The following ITPR1 variants were observed in gnomAD, a reference collection of about 807,000 sequenced individuals.
ITPR1 encodes inositol 1,4,5-trisphosphate receptor type 1, also known as inositol 1,4,5-trisphosphate-gated calcium channel ITPR1.
ITPR1 carries 96 observed loss-of-function variants against 318.4 expected under a neutral mutation model. The ratio of observed to expected loss-of-function variants is 0.30; its 90% confidence interval spans 0.26 to 0.36. The LOEUF (loss-of-function observed/expected upper bound fraction) is 0.36. Among genes scored for constraint, ITPR1 ranks in the 10% least tolerant of loss-of-function variants. The pLI, the probability that ITPR1 is intolerant of heterozygous loss-of-function variation, is 1.00. For missense variants in ITPR1, 2,440 were observed against 3,460.2 expected, an observed-to-expected ratio of 0.71 and a Z score of 7.40; for synonymous variants, 1,312 against 1,289.9, an observed-to-expected ratio of 1.02 and a Z score of -0.37.
chr3:4,833,602 C>G (rs977311099), intron 60 of ITPR1, among the ~76,000 whole-genome samples: 8 of 152,338 alleles, frequency 5.3e-5, no homozygotes, highest in Admixed American at 4.6e-4. Context: ...TCTGGTAAGG[C>G]ACGGCGGCCT....
intron 5 of ITPR1, among the ~76,000 whole-genome samples, chr3:4,637,539 C>T (rs2093226758): frequency 6.6e-6 from 1 of 152,208 alleles, no homozygotes; most frequent in Non-Finnish European, 1.5e-5. Context: ...GGTATTATTT[C>T]TGAATGTGTC....
intron 46 of ITPR1, among the ~76,000 whole-genome samples, chr3:4,769,745 A>T (rs1457220944): frequency 6.6e-6 from 1 of 152,232 alleles, no homozygotes; most frequent in Non-Finnish European, 1.5e-5. Context: ...GTAGTCTTAC[A>T]CTAGAGCTCA....
At chr3:4,546,403 C>T (rs147872713) in intron 4 of ITPR1, among the ~76,000 whole-genome samples, 2 of 152,262 alleles carry the variant, frequency 1.3e-5, no homozygotes, top group Non-Finnish European at 2.9e-5. Flanking sequence ...AAGAGGATGA[C>T]CTCTGAGGTT....
intron 53 of ITPR1, among the ~76,000 whole-genome samples, chr3:4,795,672 G>C (rs2047852238): frequency 6.6e-6 from 1 of 152,146 alleles, no homozygotes; most frequent in Admixed American, 6.5e-5. Flanking sequence ...TCAGAGGGGA[G>C]GCAGGACTTG....
At chr3:4,778,176 AG>A in intron 48 of ITPR1, among the ~76,000 whole-genome samples, 1 of 152,336 alleles carries the variant, frequency 6.6e-6, no homozygotes, top group African/African-American at 2.4e-5. Context: ...CCTTCTATGT[AG>A]GGGTTCCATA....
chr3:4,680,680 G>A lies in ITPR1; in HGVS notation c.3095G>A (p.Ser1032Asn), dbSNP rs771523624. The change falls in exon 25 of 62, where the codon AGT (serine) becomes AAT (asparagine). Residue 1032 changes from serine to asparagine, a missense_variant. By Grantham distance (46) the Ser-to-Asn change is conservative. Around this residue, in one of 23 missense-constraint regions of ITPR1, gnomAD observed 57 missense variants for 46.2 expected, o/e 1.23. Coordinates refer to ENST00000649015, the MANE Select transcript of ITPR1 (RefSeq NM_001378452.1). ...GGAAACAGCAGCCAAGAAGGGCCAA[G>A]TAATGTACCAGGTTAGTGATTCAGA... is the stretch of plus-strand genomic sequence containing the variant. ...SSGNSSQEGP[S>N]NVPGALDFEH... 5.0e-6 allele frequency: 8 copies of A among 1,611,534 alleles called. No homozygotes were observed. In the Admixed American group the frequency reaches 1.3e-4, roughly 27 times the overall value.
At chr3:4,517,708 A>G (rs2082268463) in intron 3 of ITPR1, among the ~76,000 whole-genome samples, 2 of 152,316 alleles carry the variant, frequency 1.3e-5, no homozygotes, top group South Asian at 4.1e-4. Flanking sequence ...TCTCTCCATT[A>G]TGGACCTACC....
intron 5 of ITPR1, among the ~76,000 whole-genome samples, chr3:4,632,516 T>C (rs1056590837): frequency 1.3e-5 from 2 of 152,214 alleles, no homozygotes; most frequent in African/African-American, 2.4e-5. Flanking sequence ...GGCTGAGAGC[T>C]GCTGCCACGT....
intron 44 of ITPR1, among the ~76,000 whole-genome samples, chr3:4,742,110 A>G (rs1291454148): frequency 1.3e-5 from 2 of 152,148 alleles, no homozygotes; most frequent in Admixed American, 1.3e-4. Context: ...CCTTTGAGAA[A>G]TGGTGGCGTA....
chr3:4,500,146 A>G (rs1035869230), intron 2 of ITPR1, among the ~76,000 whole-genome samples: 5 of 152,188 alleles, frequency 3.3e-5, no homozygotes, highest in African/African-American at 1.2e-4. Flanking sequence ...CTTATCCCAG[A>G]CCAAGAATCG....
intron 51 of ITPR1, among the ~76,000 whole-genome samples, chr3:4,785,441 A>G (rs763195174): frequency 1.1e-4 from 17 of 152,270 alleles, no homozygotes; most frequent in Non-Finnish European, 2.1e-4. Context: ...TCCTTTGGGC[A>G]ATATGAAATG....
chr3:4,530,697 C>T (rs750930636), intron 4 of ITPR1, among the ~76,000 whole-genome samples: 1 of 152,118 alleles, frequency 6.6e-6, no homozygotes, highest in Non-Finnish European at 1.5e-5. Context: ...AGGAGGGTTG[C>T]TTGAGCCCAG....
At chr3:4,656,256 T>C (rs1289760179) in intron 12 of ITPR1, among the ~76,000 whole-genome samples, 1 of 152,220 alleles carries the variant, frequency 6.6e-6, no homozygotes, top group Non-Finnish European at 1.5e-5. Flanking sequence ...CAATTGTGAT[T>C]TTCCTCTCAA....
chr3:4,739,526 A>G (rs1254018442), intron 44 of ITPR1, among the ~76,000 whole-genome samples: 1 of 152,142 alleles, frequency 6.6e-6, no homozygotes, highest in East Asian at 1.9e-4. Context: ...GATTTAAAAT[A>G]TTTAGGGAAC....
intron 5 of ITPR1, among the ~76,000 whole-genome samples, chr3:4,638,655 G>A (rs1483710312): frequency 6.6e-6 from 1 of 152,162 alleles, no homozygotes; most frequent in South Asian, 2.1e-4. Flanking sequence ...ACACAGAAGT[G>A]GAGAAAGGGT....
At chr3:4,617,183 G>A (rs9842451) in intron 4 of ITPR1, among the ~76,000 whole-genome samples, 28,208 of 151,968 alleles carry the variant, frequency 0.19, 2,946 homozygotes, top group East Asian at 0.43. Flanking sequence ...AGATTTCTCT[G>A]TCCCCATTGA....
chr3:4,630,601 T>A (rs925017713), intron 5 of ITPR1, among the ~76,000 whole-genome samples: 2 of 134,740 alleles, frequency 1.5e-5, no homozygotes, highest in African/African-American at 5.9e-5. Context: ...TATTATTATT[T>A]TTAAGGCAGA....
chr3:4,678,140 C>A (rs1036330383), intron 24 of ITPR1, among the ~76,000 whole-genome samples: 2 of 152,018 alleles, frequency 1.3e-5, no homozygotes, highest in African/African-American at 4.8e-5. Flanking sequence ...TCACCCTTTA[C>A]CAATGCTTTG....
chr3:4,798,032 C>T (rs930154476), intron 53 of ITPR1, among the ~76,000 whole-genome samples: 11 of 152,074 alleles, frequency 7.2e-5, no homozygotes, highest in South Asian at 2.1e-4. Flanking sequence ...TTAACACTGC[C>T]GTTATAGTGA....
Sources: gnomAD v4.1 joint callset for allele counts (sites outside exome capture counted in the v4.1 genomes callset) on GRCh38, gnomAD v4.1.1 for gene constraint, gnomAD v4.1.1 regional missense constraint, MANE v1.5 for transcripts, NCBI Gene and HGNC (gene_info 2026-07-23, HGNC 2026-07-21) for gene names.